ZNF236: variants seen among roughly 807,000 people sequenced by gnomAD.
ZNF236 encodes zinc finger protein 236.
ZNF236 carries 50 observed loss-of-function variants against 191.2 expected under a neutral mutation model. That is an observed-to-expected ratio of 0.26 (90% CI 0.21 to 0.33). The LOEUF is 0.33. Ranked by LOEUF, ZNF236 falls within the 10% of genes least tolerant of loss-of-function variation. The pLI, the probability that ZNF236 is intolerant of heterozygous loss-of-function variation, is 1.00. For synonymous variants in ZNF236, 907 were observed against 928.8 expected (o/e 0.98, Z 0.43); for missense variants, 1,754 against 2,374.5 (o/e 0.74, Z 5.43).
chr18:76,956,261 G>A (rs1288279039), intron 28 of ZNF236, 79 bp downstream of exon 28: 24 of 1,485,614 alleles, frequency 1.6e-5, no homozygotes, highest in African/African-American at 1.1e-4. Context: ...AACACTGGCC[G>A]GGAATCTGGC....
At position 76,900,385 on chromosome 18, in the gene ZNF236, G is replaced by A. The variant is rs1453427946; in HGVS notation, c.1894+1163G>A. ...CAGGTCAACTTAAACACCTTAAAAC[G>A]GAAGATTTGAGCACACAAATAAAAA... On this transcript the variant is annotated intron_variant, in intron 11 of 30. Coordinates refer to ENST00000320610, the MANE Select transcript of ZNF236 (RefSeq NM_001306089.2). 3.9e-5 allele frequency among the ~76,000 whole-genome samples: 6 copies of A among 152,106 alleles called. No individual in the cohort carries two copies. The South Asian group carries it at 1.0e-3, about 26-fold the overall frequency.
At chr18:76,912,851 C>T (rs1047426092) in intron 17 of ZNF236, among the ~76,000 whole-genome samples, 1 of 152,226 alleles carries the variant, frequency 6.6e-6, no homozygotes, top group Non-Finnish European at 1.5e-5. Flanking sequence ...TGGGGTTTCA[C>T]CACATTGGCC....
At chr18:76,963,968 G>A (rs2122974679) in intron 30 of ZNF236, among the ~76,000 whole-genome samples, 1 of 152,124 alleles carries the variant, frequency 6.6e-6, no homozygotes. Context: ...TCTCTTCTTG[G>A]TTAATCTTGC....
At chr18:76,860,803 C>T (rs1599340345) in intron 3 of ZNF236, among the ~76,000 whole-genome samples, 2 of 152,306 alleles carry the variant, frequency 1.3e-5, no homozygotes, top group African/African-American at 2.4e-5. Context: ...TTTCTGAAAT[C>T]GCTTGACTTT....
rs1461366742 is a variant in ZNF236 at position 76,875,651 on chromosome 18, G to A, written c.827G>A (p.Arg276Gln). ...QKGNLQSHVQRVHSEVKNGPT... is the reference protein window; with the variant it reads ...QKGNLQSHVQQVHSEVKNGPT... ...GGGAATCTTCAGTCGCACGTGCAGC[G>A]AGTCCACTCAGAGGTAAACACGGGT... The change falls in exon 6 of 31, where the codon CGA (arginine) becomes CAA (glutamine). Residue 276 changes from arginine to glutamine, a missense_variant. By Grantham distance (43) the Arg-to-Gln change is conservative. This residue lies in a region of ZNF236 where 336 missense variants were observed against 495.1 expected (regional missense o/e 0.68). Transcript: ENST00000320610. This position sits in a 1 kb window ranked among gnomAD's most constrained non-coding sequence, Gnocchi z 4.3. 6.3e-7 allele frequency: 1 copy of A among 1,587,960 alleles called. No individual in the cohort carries two copies. The highest frequency in any genetic ancestry group is 8.6e-7 in the Non-Finnish European group (1 of 1,164,934).
At chr18:76,857,467 C>T (rs1038127845) in intron 3 of ZNF236, among the ~76,000 whole-genome samples, 4 of 152,326 alleles carry the variant, frequency 2.6e-5, no homozygotes, top group African/African-American at 9.6e-5. Flanking sequence ...GGGACCTCTC[C>T]CTTCCCATTC....
intron 1 of ZNF236, among the ~76,000 whole-genome samples, chr18:76,825,013 T>C (rs1413342131): frequency 6.6e-6 from 1 of 152,210 alleles, no homozygotes; most frequent in South Asian, 2.1e-4. Flanking sequence ...TCCTCATCCC[T>C]TTAACAGAAA....
At chr18:76,831,438 T>G (rs1254593693) in intron 1 of ZNF236, among the ~76,000 whole-genome samples, 1 of 152,224 alleles carries the variant, frequency 6.6e-6, no homozygotes, top group East Asian at 1.9e-4. Context: ...CCATTTACAT[T>G]TTGAAGGACA....
intron 7 of ZNF236, among the ~76,000 whole-genome samples, chr18:76,879,790 G>C (rs1022577514): frequency 6.6e-6 from 1 of 152,120 alleles, no homozygotes; most frequent in Non-Finnish European, 1.5e-5. Context: ...TGTGTAACTT[G>C]ATATTTTAAA....
At chr18:76,958,853 G>A (rs551135092) in intron 28 of ZNF236, among the ~76,000 whole-genome samples, 73 of 152,296 alleles carry the variant, frequency 4.8e-4, no homozygotes, top group Non-Finnish European at 7.4e-4. Context: ...TGAGCAGTGC[G>A]ACATACGCAG....
intron 1 of ZNF236, among the ~76,000 whole-genome samples, chr18:76,836,908 C>T (rs745811118): frequency 4.4e-4 from 67 of 152,032 alleles, no homozygotes; most frequent in Non-Finnish European, 7.2e-4. Flanking sequence ...CACAGTCTTG[C>T]TCTGATGCCC....
At chr18:76,866,780 T>C (rs1022235934) in intron 3 of ZNF236, among the ~76,000 whole-genome samples, 3 of 152,122 alleles carry the variant, frequency 2.0e-5, no homozygotes, top group Non-Finnish European at 4.4e-5. Flanking sequence ...GGGGTGTTGT[T>C]CTTCTTACAG....
intron 12 of ZNF236, 26 bp from the exon 13 acceptor site, chr18:76,905,129 C>A: frequency 6.3e-7 from 1 of 1,585,064 alleles, no homozygotes; most frequent in Middle Eastern, 1.7e-4. Context: ...GAAACATATT[C>A]ATTAAAATGT....
chr18:76,939,120 G>A (rs1968070214), intron 26 of ZNF236, among the ~76,000 whole-genome samples: 1 of 152,168 alleles, frequency 6.6e-6, no homozygotes. Context: ...TGGGCTTGAG[G>A]TGAGGAGTTT....
chr18:76,900,976 A>G (rs1599377840), intron 11 of ZNF236, among the ~76,000 whole-genome samples: 1 of 152,182 alleles, frequency 6.6e-6, no homozygotes, highest in African/African-American at 2.4e-5. Flanking sequence ...CCTCACATGC[A>G]CAGTGCACAA....
intron 13 of ZNF236, among the ~76,000 whole-genome samples, chr18:76,905,732 T>A (rs967571616): frequency 5.9e-5 from 9 of 152,212 alleles, no homozygotes; most frequent in Non-Finnish European, 1.0e-4. Context: ...TCTAGTACAG[T>A]CAGATAGTGA....
In ZNF236 at chr18:76,960,877, G is replaced by A; in HGVS notation, c.5419+22G>A. On this transcript the variant is annotated intron_variant, in intron 30 of 30. Transcript: ENST00000320610. The surrounding 1 kb of genome is among the most constrained non-coding windows in gnomAD (Gnocchi z 4.4). ...GCTGGTGAGAATGCTGCACCCGGGA[G>A]TGCGTGCTGTTCGGTGGCCTGCGAG... is the stretch of plus-strand genomic sequence containing the variant. The A allele has an allele frequency of 1.3e-6, 2 of 1,599,256 alleles. No homozygotes were observed. The highest frequency in any genetic ancestry group is 1.7e-6 in the Non-Finnish European group (2 of 1,170,578).
chr18:76,874,522 C>T (rs1017666636), intron 5 of ZNF236, among the ~76,000 whole-genome samples: 2 of 151,966 alleles, frequency 1.3e-5, no homozygotes, highest in Non-Finnish European at 2.9e-5. Context: ...TTGGAGCGTG[C>T]ATTCTAGGGA....
chr18:76,857,173 C>T (rs993079131), intron 3 of ZNF236, among the ~76,000 whole-genome samples: 10 of 152,140 alleles, frequency 6.6e-5, no homozygotes, highest in African/African-American at 2.2e-4. Flanking sequence ...CCTTCTCTCG[C>T]AGGGCCTTCC....
Sources: gnomAD v4.1 joint callset for allele counts (sites outside exome capture counted in the v4.1 genomes callset) on GRCh38, gnomAD v4.1.1 for gene constraint, gnomAD v4.1.1 regional missense constraint, Gnocchi (gnomAD v3.1) non-coding constraint, MANE v1.5 for transcripts, NCBI Gene and HGNC (gene_info 2026-07-23, HGNC 2026-07-21) for gene names.